Variants in RAB11FIP3 observed in about 807,000 individuals in gnomAD.
The protein encoded by RAB11FIP3 is rab11 family-interacting protein 3.
A neutral mutation model predicts 77.8 loss-of-function variants in RAB11FIP3; 17 were observed. That is an observed-to-expected ratio of 0.22 (90% confidence interval 0.15 to 0.33). The LOEUF (loss-of-function observed/expected upper bound fraction) is 0.33. Among genes scored for constraint, RAB11FIP3 ranks in the 10% least tolerant of loss-of-function variants. RAB11FIP3 has a pLI of 1.00. For synonymous variants in RAB11FIP3, 437 were observed against 448.2 expected (o/e 0.98, Z 0.31); for missense variants, 1,005 against 1,011.2 (o/e 0.99, Z 0.08).
intron 5 of RAB11FIP3, among the ~76,000 whole-genome samples, chr16:491,769 T>G (rs1245613350): frequency 6.6e-6 from 1 of 152,184 alleles, no homozygotes; most frequent in African/African-American, 2.4e-5. Context: ...GAAGACGGTT[T>G]TGAGTGCTTT....
At chr16:439,543 T>A (rs1465855345) in intron 1 of RAB11FIP3, 1 of 152,214 alleles carries the variant, frequency 6.6e-6, no homozygotes, top group Admixed American at 6.5e-5. Context: ...AGCCTTTAGG[T>A]CTCCTGATGG....
chr16:495,994 C>T (rs1000919932), intron 5 of RAB11FIP3, among the ~76,000 whole-genome samples: 1 of 152,198 alleles, frequency 6.6e-6, no homozygotes, highest in African/African-American at 2.4e-5. Context: ...TGGAGATCCA[C>T]CCGCCTCAGC....
rs921536713 is a variant in RAB11FIP3 at position 461,227 on chromosome 16, C to G, written c.715-177C>G. Among the ~76,000 whole-genome samples the G allele has an allele frequency of 6.6e-6, 1 of 152,186 alleles. No homozygotes were observed. Among genetic ancestry groups the G allele is most frequent in the Non-Finnish European group, 1.5e-5 (1 of 68,022 alleles). On this transcript the variant is annotated intron_variant, in intron 1 of 13. Coordinates refer to ENST00000262305, the MANE Select transcript of RAB11FIP3 (RefSeq NM_014700.4). The surrounding 1 kb of genome is among the most constrained non-coding windows in gnomAD (Gnocchi z 4.5). ...GGCTTTGCGCTCCTGTGAGAAGAACCTGATGCTCCTGCTGATCTGACAGGA... is the reference window on the plus strand; with the variant it reads ...GGCTTTGCGCTCCTGTGAGAAGAACGTGATGCTCCTGCTGATCTGACAGGA...
intron 5 of RAB11FIP3, among the ~76,000 whole-genome samples, chr16:492,445 C>CCGT (rs1567392280): frequency 1.9e-4 from 16 of 85,442 alleles, no homozygotes; most frequent in African/African-American, 1.3e-3. Flanking sequence ...CCCGAGGCCG[C>CCGT]CCAGGGCCCT....
chr16:451,670 C>G (rs944461442), intron 1 of RAB11FIP3: 4 of 151,760 alleles, frequency 2.6e-5, no homozygotes, highest in Non-Finnish European at 4.4e-5. Flanking sequence ...CCCGTCTCTA[C>G]TAAAAATACA....
chr16:467,440 C>T (rs1241985753), intron 2 of RAB11FIP3, among the ~76,000 whole-genome samples: 6 of 148,552 alleles, frequency 4.0e-5, no homozygotes, highest in African/African-American at 1.5e-4. Context: ...GCTGGGACGT[C>T]AGGGAGGAGG....
At chr16:449,819 C>T (rs1004497077) in intron 1 of RAB11FIP3, among the ~76,000 whole-genome samples, 2 of 151,708 alleles carry the variant, frequency 1.3e-5, no homozygotes, top group Admixed American at 6.6e-5. Flanking sequence ...TGCGTGATGG[C>T]GGGCATCTGT....
chr16:517,486 T>A (rs1237420819), intron 9 of RAB11FIP3, among the ~76,000 whole-genome samples: 1 of 151,728 alleles, frequency 6.6e-6, no homozygotes, highest in Non-Finnish European at 1.5e-5. Context: ...GAGGATCTCC[T>A]GAGCCCGGGA....
At chr16:489,182 C>G in intron 5 of RAB11FIP3, 182 bp downstream of exon 5, 1 of 737,800 alleles carries the variant, frequency 1.4e-6, no homozygotes, top group Non-Finnish European at 2.1e-6. Context: ...TGGGAGAAGT[C>G]CCTCTTCTCC....
chr16:471,434 C>T lies in RAB11FIP3; in HGVS notation c.903+45C>T. 4 of 1,472,974 alleles carry T rather than the reference C, an allele frequency of 2.7e-6. No homozygotes were observed. The highest frequency in any genetic ancestry group is 3.8e-6 in the Non-Finnish European group (4 of 1,065,636). The allele number at this position is 1,472,974 out of a possible 1,614,324, so 91.2% of individuals were successfully genotyped here. ...GAGCTTGGGGGAAGTCTGGCATCCA[C>T]CTCTTCCTTTATGCCCTACAGCTCG... is the stretch of plus-strand genomic sequence containing the variant. On this transcript the variant is annotated intron_variant, in intron 3 of 13. Coordinates refer to ENST00000262305, the MANE Select transcript of RAB11FIP3 (RefSeq NM_014700.4). This position sits in a 1 kb window ranked among gnomAD's most constrained non-coding sequence, Gnocchi z 4.4.
At chr16:478,365 G>A (rs1490670667) in intron 3 of RAB11FIP3, among the ~76,000 whole-genome samples, 1 of 151,842 alleles carries the variant, frequency 6.6e-6, no homozygotes, top group African/African-American at 2.4e-5. Context: ...GCTAATTTTT[G>A]TATTTTCAGT....
chr16:482,606 AGCACCCTGGT>A lies in RAB11FIP3; in HGVS notation c.994_1003del (p.Val332SerfsTer49). 1.9e-6 allele frequency: 3 copies of A among 1,613,608 alleles called. No homozygotes were observed. The highest frequency in any genetic ancestry group is 2.5e-6 in the Non-Finnish European group (3 of 1,180,050). ...TGAGACCTTCACGGACGAGGACACC[AGCACCCTGGT>A]GCACCCTGAGCTGCAACCTGAAGGG... On this transcript the variant is annotated frameshift_variant, in exon 4 of 14. Transcript: ENST00000262305. LOFTEE classifies it high-confidence loss of function.
chr16:508,995 C>G (rs1264719187), intron 8 of RAB11FIP3, among the ~76,000 whole-genome samples: 2 of 151,906 alleles, frequency 1.3e-5, no homozygotes, highest in African/African-American at 4.8e-5. Context: ...CCTCTGCCTC[C>G]TGGGTTCAAA....
At chr16:446,925 T>C (rs1423829705) in intron 1 of RAB11FIP3, among the ~76,000 whole-genome samples, 5 of 147,496 alleles carry the variant, frequency 3.4e-5, no homozygotes, top group Non-Finnish European at 6.0e-5. Flanking sequence ...GGTCTTGAAC[T>C]CCTGACCTCA....
At chr16:510,494 C>A in intron 8 of RAB11FIP3, 166 bp from the exon 9 acceptor site, 1 of 768,238 alleles carries the variant, frequency 1.3e-6, no homozygotes, top group Non-Finnish European at 2.0e-6. Context: ...GGGGTGTATT[C>A]GCTGCTTCAG....
intron 7 of RAB11FIP3, among the ~76,000 whole-genome samples, chr16:504,195 T>TCC: frequency 1.4e-5 from 1 of 70,810 alleles, no homozygotes; most frequent in African/African-American, 9.1e-5. Context: ...CCTCACCTCC[T>TCC]TGTGCACCCC....
At chr16:448,673 T>C (rs917092675) in intron 1 of RAB11FIP3, among the ~76,000 whole-genome samples, 20 of 149,886 alleles carry the variant, frequency 1.3e-4, no homozygotes, top group African/African-American at 4.4e-4. Flanking sequence ...GAGGCGGAGC[T>C]TGCAGTGAGC....
At chr16:475,894 T>C (rs143481839) in intron 3 of RAB11FIP3, among the ~76,000 whole-genome samples, 6,680 of 152,164 alleles carry the variant, frequency 0.044, 213 homozygotes, top group Non-Finnish European at 0.07. Flanking sequence ...TCTCACTCTG[T>C]CACCCAGGCT....
At chr16:430,260 A>G (rs1362769300) in intron 1 of RAB11FIP3, among the ~76,000 whole-genome samples, 1 of 152,192 alleles carries the variant, frequency 6.6e-6, no homozygotes, top group African/African-American at 2.4e-5. Context: ...CAGAGATTGT[A>G]AAATAAATTC....
Sources: allele counts gnomAD v4.1 joint callset (sites outside exome capture counted in the v4.1 genomes callset), GRCh38; gene constraint gnomAD v4.1.1; non-coding constraint Gnocchi (gnomAD v3.1); transcripts MANE v1.5; gene names NCBI Gene and HGNC (gene_info 2026-07-23, HGNC 2026-07-21).